The following MNAT1 variants were observed in gnomAD, a reference collection of about 807,000 sequenced individuals.
MNAT1 encodes CDK-activating kinase assembly factor MAT1.
In MNAT1, 43 loss-of-function variants were observed where a neutral mutation model predicts 42.0. The observed-to-expected ratio is 1.02, with a 90% CI of 0.80 to 1.32. The LOEUF (loss-of-function observed/expected upper bound fraction) is 1.32. Ranked by LOEUF, MNAT1 falls within the 40% of genes most tolerant of loss-of-function variation. The pLI, the probability that MNAT1 is intolerant of heterozygous loss-of-function variation, is 0.00. For missense variants in MNAT1, 306 were observed against 350.4 expected, an observed-to-expected ratio of 0.87 and a Z score of 1.01; for synonymous variants, 118 against 120.0, an observed-to-expected ratio of 0.98 and a Z score of 0.11.
intron 6 of MNAT1, among the ~76,000 whole-genome samples, chr14:60,840,248 A>G (rs2033508262): frequency 6.6e-6 from 1 of 152,212 alleles, no homozygotes; most frequent in South Asian, 2.1e-4. Context: ...TCTATTAGGG[A>G]AAAATGCCTG....
intron 1 of MNAT1, among the ~76,000 whole-genome samples, chr14:60,782,614 A>C (rs2031502893): frequency 1.3e-5 from 2 of 152,134 alleles, no homozygotes; most frequent in Admixed American, 1.3e-4. Flanking sequence ...GTTTATTGAG[A>C]GTGTACTATG....
chr14:60,798,010 C>G (rs535306573), intron 2 of MNAT1, 77 bp from the exon 3 acceptor site: 2 of 689,026 alleles, frequency 2.9e-6, no homozygotes, highest in African/African-American at 3.6e-5. Flanking sequence ...TGAATTAGGT[C>G]AGAACAAGCA....
chr14:60,907,610 G>A (rs1031728129), intron 7 of MNAT1, among the ~76,000 whole-genome samples: 1 of 151,044 alleles, frequency 6.6e-6, no homozygotes, highest in African/African-American at 2.4e-5. Flanking sequence ...GAAAAACCCT[G>A]TCTCTATTAA....
chr14:60,804,214 A>G (rs918221497), intron 3 of MNAT1, among the ~76,000 whole-genome samples: 14 of 152,234 alleles, frequency 9.2e-5, no homozygotes, highest in Non-Finnish European at 1.3e-4. Flanking sequence ...GCAGGTCAAC[A>G]TCTAAGCTAA....
intron 7 of MNAT1, among the ~76,000 whole-genome samples, chr14:60,912,765 C>G (rs1439415968): frequency 2.6e-5 from 4 of 152,166 alleles, no homozygotes; most frequent in African/African-American, 9.7e-5. Context: ...AACACTTTTT[C>G]CTTCATTTCA....
intron 6 of MNAT1, among the ~76,000 whole-genome samples, chr14:60,833,539 T>C (rs2033285493): frequency 6.6e-6 from 1 of 152,228 alleles, no homozygotes; most frequent in African/African-American, 2.4e-5. Context: ...GACTGGATTG[T>C]GGTGGATAAG....
chr14:60,853,605 G>A (rs1374563709), intron 6 of MNAT1, among the ~76,000 whole-genome samples: 1 of 152,160 alleles, frequency 6.6e-6, no homozygotes, highest in Non-Finnish European at 1.5e-5. Flanking sequence ...GGTGAGAGAG[G>A]GCATCCTTGT....
Position 60,740,808 on chromosome 14 carries a change from T to C in MNAT1, c.89+5857T>C, listed in dbSNP as rs955173619. On this transcript the variant is annotated intron_variant, in intron 1 of 7. Coordinates refer to ENST00000261245, the MANE Select transcript of MNAT1 (RefSeq NM_002431.4). This position sits in a 1 kb window ranked among gnomAD's most constrained non-coding sequence, Gnocchi z 4.1. ...GGCCTGTCTTTGTGAACAATCAGTGTACATTTGAAAAGAATATACATTCTG... is the reference window on the plus strand; with the variant it reads ...GGCCTGTCTTTGTGAACAATCAGTGCACATTTGAAAAGAATATACATTCTG... Among the ~76,000 whole-genome samples the C allele has an allele frequency of 6.6e-6, 1 of 152,224 alleles. No individual in the cohort carries two copies. The highest frequency in any genetic ancestry group is 2.4e-5 in the African/African-American group (1 of 41,458).
At chr14:60,941,043 A>G (rs907842401) in intron 7 of MNAT1, among the ~76,000 whole-genome samples, 5 of 152,222 alleles carry the variant, frequency 3.3e-5, no homozygotes, top group African/African-American at 7.2e-5. Flanking sequence ...TGCCTGTGTT[A>G]AGTATTGGTA....
intron 6 of MNAT1, among the ~76,000 whole-genome samples, chr14:60,850,495 T>C (rs1362458858): frequency 6.6e-6 from 1 of 152,220 alleles, no homozygotes; most frequent in African/African-American, 2.4e-5. Context: ...TTTCCTTGCC[T>C]TTATACAGAA....
At chr14:60,882,265 G>A (rs1486417213) in intron 7 of MNAT1, among the ~76,000 whole-genome samples, 1 of 151,732 alleles carries the variant, frequency 6.6e-6, no homozygotes, top group East Asian at 1.9e-4. Flanking sequence ...CACAACCTCT[G>A]GTGACCTTCC....
intron 7 of MNAT1, among the ~76,000 whole-genome samples, chr14:60,938,109 G>A (rs984176346): frequency 3.3e-5 from 5 of 152,184 alleles, no homozygotes; most frequent in African/African-American, 1.2e-4. Flanking sequence ...TTGCCTATCA[G>A]CTTGAGGAGA....
intron 7 of MNAT1, among the ~76,000 whole-genome samples, chr14:60,891,532 C>A (rs1030616740): frequency 6.6e-6 from 1 of 151,892 alleles, no homozygotes; most frequent in South Asian, 2.1e-4. Context: ...CTAACTGCAA[C>A]CTCCGCCTCC....
intron 6 of MNAT1, among the ~76,000 whole-genome samples, chr14:60,826,280 T>A (rs760570219): frequency 6.6e-6 from 1 of 151,586 alleles, no homozygotes; most frequent in Non-Finnish European, 1.5e-5. Context: ...GTTCTACTTA[T>A]CACTATTTTA....
intron 7 of MNAT1, among the ~76,000 whole-genome samples, chr14:60,913,030 T>C (rs1332415975): frequency 1.3e-5 from 2 of 152,228 alleles, no homozygotes; most frequent in East Asian, 1.9e-4. Flanking sequence ...TGTTTCTTTT[T>C]ATTCTTTTTT....
intron 7 of MNAT1, among the ~76,000 whole-genome samples, chr14:60,882,020 G>A (rs1328492075): frequency 6.6e-6 from 1 of 152,060 alleles, no homozygotes; most frequent in Non-Finnish European, 1.5e-5. Context: ...TAATAGCTGG[G>A]TATGGTGGTA....
chr14:60,874,484 T>G (rs2034394930), intron 6 of MNAT1, among the ~76,000 whole-genome samples: 2 of 151,970 alleles, frequency 1.3e-5, no homozygotes, highest in African/African-American at 4.8e-5. Flanking sequence ...ATTCTTCCTC[T>G]CAATATTCTT....
chr14:60,766,543 T>C (rs1227412477), intron 1 of MNAT1, among the ~76,000 whole-genome samples: 1 of 151,630 alleles, frequency 6.6e-6, no homozygotes, highest in Non-Finnish European at 1.5e-5. Flanking sequence ...GAAACTCCAT[T>C]TCTATTAAAA....
chr14:60,849,933 T>A (rs1449081550), intron 6 of MNAT1, among the ~76,000 whole-genome samples: 1 of 152,068 alleles, frequency 6.6e-6, no homozygotes, highest in African/African-American at 2.4e-5. Flanking sequence ...CCATCTCACG[T>A]TCAAGTGGTT....
Sources: gnomAD v4.1 joint callset for allele counts (sites outside exome capture counted in the v4.1 genomes callset) on GRCh38, gnomAD v4.1.1 for gene constraint, Gnocchi (gnomAD v3.1) non-coding constraint, MANE v1.5 for transcripts, NCBI Gene and HGNC (gene_info 2026-07-23, HGNC 2026-07-21) for gene names.